Variants in TUSC3 observed in about 807,000 individuals in gnomAD.
TUSC3 encodes dolichyl-diphosphooligosaccharide--protein glycosyltransferase subunit TUSC3.
In TUSC3, 45 loss-of-function variants were observed where a neutral mutation model predicts 44.8. That is an observed-to-expected ratio of 1.00 (90% CI 0.79 to 1.29). The LOEUF (loss-of-function observed/expected upper bound fraction) is 1.29, where lower values mean the gene tolerates loss of function less well. Ranked by LOEUF, TUSC3 falls within the 50% of genes most tolerant of loss-of-function variation. TUSC3 has a pLI of 0.00. For missense variants in TUSC3, 519 were observed against 437.9 expected (o/e 1.19, Z -1.65); for synonymous variants, 212 against 152.9 (o/e 1.39, Z -2.85).
chr8:15,478,498 A>G (rs1234413158), intron 1 of TUSC3, among the ~76,000 whole-genome samples: 1 of 151,356 alleles, frequency 6.6e-6, no homozygotes, highest in Non-Finnish European at 1.5e-5. Flanking sequence ...TCATTGTTGA[A>G]CTCCCACTCA....
At chr8:15,770,781 T>G (rs1040161541), downstream of TUSC3, among the ~76,000 whole-genome samples, 1 of 151,990 alleles carries the variant, frequency 6.6e-6, no homozygotes, top group African/African-American at 2.4e-5. Flanking sequence ...AAAAGACTGT[T>G]AGACACTATC....
At chr8:15,695,596 G>T (rs1809126468) in intron 6 of TUSC3, among the ~76,000 whole-genome samples, 1 of 152,220 alleles carries the variant, frequency 6.6e-6, no homozygotes, top group Non-Finnish European at 1.5e-5. Context: ...CTTGGTAACA[G>T]GCAGAGTCTG....
Position 15,471,712 on chromosome 8 carries a change from G to A in TUSC3, n.92-11674G>A, listed in dbSNP as rs541533560. Among the ~76,000 whole-genome samples, 35 of 151,682 alleles carry A rather than the reference G, an allele frequency of 2.3e-4. No homozygotes were observed. The East Asian group carries it at 6.3e-3, about 27-fold the overall frequency. ...AGCTCACTGCAACCTCCGCCCTCCA[G>A]GTTAAAGCTATTCTCCCGCCTCACC... On this transcript the variant is annotated intron_variant and non_coding_transcript_variant, in intron 1 of 5. Transcript: ENST00000503191.
At chr8:15,851,327 A>T in the TUSC3 span, among the ~76,000 whole-genome samples, 616 of 152,314 alleles carry the variant, frequency 4.0e-3, 4 homozygotes, top group African/African-American at 0.014. Context: ...GGTCTTAAGG[A>T]TCTTACATTC....
intron 5 of TUSC3, among the ~76,000 whole-genome samples, chr8:15,663,806 C>T (rs1428041660): frequency 6.6e-6 from 1 of 151,816 alleles, no homozygotes; most frequent in Non-Finnish European, 1.5e-5. Context: ...TTTTTCCATG[C>T]TAGTTTTCAA....
chr8:15,658,666 AAT>A (rs1393682013), intron 3 of TUSC3, among the ~76,000 whole-genome samples: 1 of 151,048 alleles, frequency 6.6e-6, no homozygotes, highest in East Asian at 1.9e-4. Context: ...ACACAAATAC[AAT>A]ATATATACAC....
intron 1 of TUSC3, among the ~76,000 whole-genome samples, chr8:15,476,514 G>T (rs530365577): frequency 6.6e-6 from 1 of 152,158 alleles, no homozygotes; most frequent in South Asian, 2.1e-4. Flanking sequence ...TTTCTTAAAC[G>T]TGATTTACAA....
chr8:15,656,701 T>A (rs1486820772), intron 3 of TUSC3, among the ~76,000 whole-genome samples: 2 of 152,162 alleles, frequency 1.3e-5, no homozygotes, highest in Non-Finnish European at 2.9e-5. Context: ...GCTCTGTAGT[T>A]TGGGATTTCA....
the TUSC3 span, among the ~76,000 whole-genome samples, chr8:15,783,041 A>G: frequency 6.6e-6 from 1 of 152,244 alleles, no homozygotes; most frequent in Non-Finnish European, 1.5e-5. Flanking sequence ...ATATACAAAA[A>G]TCACCATTTC....
At chr8:15,718,173 A>G (rs1810137237) in intron 6 of TUSC3, among the ~76,000 whole-genome samples, 1 of 152,122 alleles carries the variant, frequency 6.6e-6, no homozygotes, top group South Asian at 2.1e-4. Context: ...AGATTTAACT[A>G]GAAGTGAGGA....
intron 2 of TUSC3, among the ~76,000 whole-genome samples, chr8:15,489,916 T>G (rs1029587349): frequency 1.5e-4 from 23 of 152,302 alleles, no homozygotes; most frequent in Middle Eastern, 3.4e-3. Context: ...GATAAAAGAT[T>G]AATTCTGATA....
At chr8:15,565,090 A>T (rs1802615182) in intron 1 of TUSC3, among the ~76,000 whole-genome samples, 2 of 151,870 alleles carry the variant, frequency 1.3e-5, no homozygotes, top group South Asian at 4.2e-4. Flanking sequence ...TGGAGGTGGG[A>T]TGTCCAAGTC....
chr8:15,636,865 A>G (rs534651861), intron 2 of TUSC3, among the ~76,000 whole-genome samples: 1 of 152,120 alleles, frequency 6.6e-6, no homozygotes, highest in Non-Finnish European at 1.5e-5. Flanking sequence ...CTGCTGGGGA[A>G]ATTGAGTGTT....
chr8:15,804,999 T>C, the TUSC3 span, among the ~76,000 whole-genome samples: 1 of 152,198 alleles, frequency 6.6e-6, no homozygotes, highest in African/African-American at 2.4e-5. Flanking sequence ...CATCTGTATT[T>C]TCTTTCGACA....
chr8:15,758,668 G>A (rs907724691), intron 10 of TUSC3, among the ~76,000 whole-genome samples: 1 of 152,020 alleles, frequency 6.6e-6, no homozygotes, highest in Non-Finnish European at 1.5e-5. Context: ...GTTCTGAACT[G>A]GCTCTTCATC....
At chr8:15,820,955 G>A in the TUSC3 span, among the ~76,000 whole-genome samples, 21,389 of 152,028 alleles carry the variant, frequency 0.14, 1,659 homozygotes, top group East Asian at 0.25. Context: ...TGAGTTTTAG[G>A]TGTGCCCAGC....
intron 7 of TUSC3, among the ~76,000 whole-genome samples, chr8:15,732,991 G>T (rs777217527): frequency 2.6e-5 from 4 of 152,142 alleles, no homozygotes; most frequent in Non-Finnish European, 5.9e-5. Context: ...AAACTACTGT[G>T]AGGAGTACTT....
At chr8:15,504,381 A>T (rs1157070274) in intron 2 of TUSC3, among the ~76,000 whole-genome samples, 1 of 151,888 alleles carries the variant, frequency 6.6e-6, no homozygotes, top group African/African-American at 2.4e-5. Flanking sequence ...TACTGAGTGT[A>T]ATGCCTAGCA....
intron 1 of TUSC3, among the ~76,000 whole-genome samples, chr8:15,460,550 A>AATTATG (rs1420764477): frequency 6.6e-6 from 1 of 152,094 alleles, no homozygotes; most frequent in Non-Finnish European, 1.5e-5. Context: ...CCAGCTATTT[A>AATTATG]TCTCTGGTTT....
Sources: gnomAD v4.1 joint callset for allele counts (sites outside exome capture counted in the v4.1 genomes callset) on GRCh38, gnomAD v4.1.1 for gene constraint, MANE v1.5 for transcripts, NCBI Gene and HGNC (gene_info 2026-07-23, HGNC 2026-07-21) for gene names.